OAS2: variants seen among roughly 807,000 people sequenced by gnomAD.
OAS2 encodes 2'-5'-oligoadenylate synthase 2.
In OAS2, 67 loss-of-function variants were observed where a neutral mutation model predicts 71.3. That is an observed-to-expected ratio of 0.94 (90% confidence interval 0.77 to 1.15). OAS2 has a LOEUF of 1.15. Ranked by LOEUF, OAS2 falls within the 50% of genes most tolerant of loss-of-function variation. OAS2 has a pLI of 0.00. For synonymous variants in OAS2, 327 were observed against 321.8 expected (o/e 1.02, Z -0.17); for missense variants, 789 against 822.5 (o/e 0.96, Z 0.50).
In OAS2 at chr12:112,986,889, A is replaced by G; in HGVS notation, c.178-149A>G. ...GAAAAGTGTTACTATGAGCATCCCA[A>G]TCAGGTCTTTGTGGGGCAAATGGAT... On this transcript the variant is annotated intron_variant, in intron 1 of 9. Transcript: ENST00000392583. 6 of 1,028,508 alleles carry G rather than the reference A, an allele frequency of 5.8e-6. 1 individual carries two copies. In the South Asian group the frequency reaches 6.6e-5, roughly 11 times the overall value. The allele number at this position is 1,028,508 out of a possible 1,614,324, so 63.7% of individuals were successfully genotyped here.
At chr12:112,999,826 C>T (rs1441563719) in intron 5 of OAS2, among the ~76,000 whole-genome samples, 2 of 152,250 alleles carry the variant, frequency 1.3e-5, no homozygotes, top group Non-Finnish European at 2.9e-5. Flanking sequence ...GATCCCCTCA[C>T]ATAGATGCAG....
At chr12:112,987,502 CCT>C in intron 2 of OAS2, 194 bp downstream of exon 2, 1 of 1,428,308 alleles carries the variant, frequency 7.0e-7, no homozygotes, top group Non-Finnish European at 9.2e-7. Context: ...TCCCCCATAC[CCT>C]GATTGTCTTT....
At chr12:112,985,557 T>C (rs1341498949) in intron 1 of OAS2, among the ~76,000 whole-genome samples, 1 of 152,258 alleles carries the variant, frequency 6.6e-6, no homozygotes, top group African/African-American at 2.4e-5. Context: ...GCATAAATTA[T>C]TTTCCTGATT....
At chr12:112,992,394 A>T (rs146164543) in intron 2 of OAS2, among the ~76,000 whole-genome samples, 1 of 75,336 alleles carries the variant, frequency 1.3e-5, no homozygotes, top group Non-Finnish European at 3.2e-5. Context: ...TTGTCAAAAG[A>T]AAAAAAAAAA....
chr12:112,993,283 A>G (rs2044207500), intron 2 of OAS2, among the ~76,000 whole-genome samples: 1 of 152,346 alleles, frequency 6.6e-6, no homozygotes, highest in Non-Finnish European at 1.5e-5. Context: ...GACCCAAAGC[A>G]AGAAGTACCT....
chr12:112,989,897 C>T (rs1593198003), intron 2 of OAS2, among the ~76,000 whole-genome samples: 1 of 152,170 alleles, frequency 6.6e-6, no homozygotes, highest in Non-Finnish European at 1.5e-5. Flanking sequence ...TCACTCACAG[C>T]CCATCACTAA....
At chr12:113,003,867 G>A (rs1170153729) in intron 6 of OAS2, among the ~76,000 whole-genome samples, 1 of 152,190 alleles carries the variant, frequency 6.6e-6, no homozygotes, top group Non-Finnish European at 1.5e-5. Flanking sequence ...GAGGGGCCTG[G>A]GAAATGGCAC....
intron 2 of OAS2, chr12:112,988,164 C>T (rs2136380268): frequency 1.0e-6 from 1 of 980,200 alleles, no homozygotes; most frequent in Non-Finnish European, 1.2e-6. Context: ...AAAAGTTCAG[C>T]CCACTTAAAG....
intron 2 of OAS2, 134 bp from the exon 3 acceptor site, chr12:112,995,162 G>A: frequency 1.4e-6 from 1 of 713,358 alleles, no homozygotes; most frequent in Non-Finnish European, 2.3e-6. Flanking sequence ...TTTATGTAAA[G>A]GTACCTGTCC....
chr12:112,995,520 T>TA (rs1377549496), intron 3 of OAS2, 46 bp downstream of exon 3: 1 of 1,543,958 alleles, frequency 6.5e-7, no homozygotes, highest in Non-Finnish European at 8.8e-7. Flanking sequence ...ATTTCCTTTT[T>TA]ATCGAGATAA....
In OAS2 at chr12:112,987,239, T is replaced by C. The variant is rs770329385; in HGVS notation, c.379T>C (p.Phe127Leu). 10 of 1,614,056 alleles carry C rather than the reference T, an allele frequency of 6.2e-6. No homozygotes were observed. The Admixed American group carries it at 1.7e-4, about 27-fold the overall frequency. Residue 127 changes from phenylalanine to leucine, a missense_variant, in exon 2 of 10, where the codon TTC becomes CTC. Phe to Leu is a conservative substitution (Grantham distance 22). Transcript: ENST00000392583. Reference protein sequence around the residue: ...NFEIQKSLDGFTIQVFTKNQR... With the variant: ...NFEIQKSLDGLTIQVFTKNQR... ...CGAGATCCAGAAGTCCCTTGATGGG[T>C]TCACCATCCAGGTGTTCACAAAAAA...
intron 2 of OAS2, among the ~76,000 whole-genome samples, chr12:112,989,126 G>T (rs1387065329): frequency 1.3e-5 from 2 of 152,176 alleles, no homozygotes; most frequent in African/African-American, 4.8e-5. Context: ...GGGACCCAGT[G>T]GGAGGTAATT....
intron 7 of OAS2, 147 bp from the exon 8 acceptor site, chr12:113,006,266 C>G: frequency 1.7e-6 from 1 of 581,632 alleles, no homozygotes; most frequent in Non-Finnish European, 2.8e-6. Flanking sequence ...TGGAGATGCT[C>G]CCTGTGTCTT....
chr12:113,008,780 C>T (rs1028550093), intron 9 of OAS2, among the ~76,000 whole-genome samples: 4 of 152,096 alleles, frequency 2.6e-5, no homozygotes, highest in African/African-American at 9.7e-5. Flanking sequence ...GTGCGCACCA[C>T]CACGCCCAGC....
intron 2 of OAS2, among the ~76,000 whole-genome samples, chr12:112,991,431 G>A (rs571586691): frequency 1.3e-5 from 2 of 152,368 alleles, no homozygotes; most frequent in East Asian, 1.9e-4. Context: ...GATGACATGT[G>A]CCCAAGGCGC....
intron 2 of OAS2, among the ~76,000 whole-genome samples, chr12:112,989,068 A>G (rs2044167211): frequency 1.3e-5 from 2 of 152,164 alleles, no homozygotes; most frequent in African/African-American, 4.8e-5. Flanking sequence ...TGTCCCCACC[A>G]AATCTCATCT....
chr12:113,007,059 T>A (rs2044341443), intron 8 of OAS2, among the ~76,000 whole-genome samples: 1 of 152,174 alleles, frequency 6.6e-6, no homozygotes, highest in African/African-American at 2.4e-5. Flanking sequence ...CTACAAGTGA[T>A]CCTCAGGCAG....
intron 2 of OAS2, chr12:112,988,350 GGAA>G (rs1403930650): frequency 8.6e-6 from 4 of 463,338 alleles, no homozygotes; most frequent in South Asian, 9.3e-5. Context: ...GCCACGTGGT[GGAA>G]GAAGATTTAT....
chr12:113,006,228 C>T (rs2044333929), intron 7 of OAS2, among the ~76,000 whole-genome samples, 185 bp from the exon 8 acceptor site: 1 of 152,184 alleles, frequency 6.6e-6, no homozygotes, highest in Admixed American at 6.5e-5. Flanking sequence ...CTGTGTAGAC[C>T]ACATAATTTT....
Sources: gnomAD v4.1 joint callset for allele counts (sites outside exome capture counted in the v4.1 genomes callset) on GRCh38, gnomAD v4.1.1 for gene constraint, MANE v1.5 for transcripts, NCBI Gene and HGNC (gene_info 2026-07-23, HGNC 2026-07-21) for gene names.